CYFIP1: variants seen among roughly 807,000 people sequenced by gnomAD.
CYFIP1 encodes cytoplasmic FMR1 interacting protein 1.
In CYFIP1, 58 loss-of-function variants were observed where a neutral mutation model predicts 163.5. The observed-to-expected ratio is 0.35, with a 90% CI of 0.29 to 0.44. The LOEUF is 0.44. Among genes scored for constraint, CYFIP1 ranks in the 20% least tolerant of loss-of-function variants. The pLI, the probability that CYFIP1 is intolerant of heterozygous loss-of-function variation, is 1.00. For missense variants in CYFIP1, 1,338 were observed against 1,653.8 expected, an observed-to-expected ratio of 0.81 and a Z score of 3.31; for synonymous variants, 663 against 660.7, an observed-to-expected ratio of 1.00 and a Z score of -0.05.
intron 23 of CYFIP1, among the ~76,000 whole-genome samples, chr15:22,889,063 A>AAC: frequency 6.6e-6 from 1 of 152,202 alleles, no homozygotes; most frequent in East Asian, 1.9e-4. Flanking sequence ...CACAAAAAAA[A>AAC]CAAAAAACAA....
At chr15:22,947,339 C>T (rs980244868) in intron 1 of CYFIP1, 48 bp from the exon 2 acceptor site, 1 of 1,593,906 alleles carries the variant, frequency 6.3e-7, no homozygotes. Context: ...AAGGAGGGGA[C>T]ACCCAACAAG....
intron 16 of CYFIP1, among the ~76,000 whole-genome samples, chr15:22,916,182 A>G (rs1205385945): frequency 6.6e-6 from 1 of 152,164 alleles, no homozygotes; most frequent in African/African-American, 2.4e-5. Context: ...CTGTGTCTCA[A>G]CTCAGGCACC....
chr15:22,922,337 G>A (rs1271601917), intron 13 of CYFIP1, among the ~76,000 whole-genome samples: 1 of 152,180 alleles, frequency 6.6e-6, no homozygotes, highest in Non-Finnish European at 1.5e-5. Flanking sequence ...GGACCCCAAG[G>A]CTCTGGGGAG....
intron 1 of CYFIP1, among the ~76,000 whole-genome samples, chr15:22,959,194 T>G (rs972170920): frequency 1.6e-4 from 24 of 152,214 alleles, no homozygotes; most frequent in Non-Finnish European, 2.6e-4. Context: ...CCCACCTGTG[T>G]GCACCTGGGC....
intron 22 of CYFIP1, among the ~76,000 whole-genome samples, chr15:22,899,892 A>G (rs932684591): frequency 6.6e-6 from 1 of 152,150 alleles, no homozygotes; most frequent in Non-Finnish European, 1.5e-5. Flanking sequence ...TACTAAAAAT[A>G]CAAAAATTAG....
intron 1 of CYFIP1, among the ~76,000 whole-genome samples, chr15:22,973,498 A>G: frequency 6.6e-6 from 1 of 151,832 alleles, no homozygotes; most frequent in East Asian, 1.9e-4. Flanking sequence ...CTAACTGTAA[A>G]TGTGTATCCT....
chr15:22,906,718 T>C (rs898839926), intron 21 of CYFIP1, among the ~76,000 whole-genome samples: 4 of 151,134 alleles, frequency 2.6e-5, no homozygotes, highest in Non-Finnish European at 4.4e-5. Flanking sequence ...GCCCGCCTCG[T>C]CCTCCCAAAG....
rs1595469182 is a variant in CYFIP1, at chr15:22,868,576, A to G, written c.*1452T>C. The G allele has an allele frequency of 6.6e-6, 1 of 152,046 alleles. No homozygotes were observed. Among genetic ancestry groups the G allele is most frequent in the East Asian group, 1.9e-4 (1 of 5,182 alleles). The allele number at this position is 152,046 out of a possible 1,614,324, so 9.4% of individuals were successfully genotyped here. ...GGCCCCAGGGTTATTAATTCACATTACCAAAAGCATTTTTAGGGAACTTTT... is the reference window on the plus strand; with the variant it reads ...GGCCCCAGGGTTATTAATTCACATTGCCAAAAGCATTTTTAGGGAACTTTT... On this transcript the variant is annotated 3_prime_UTR_variant, in exon 31 of 31. Coordinates refer to ENST00000617928, the MANE Select transcript of CYFIP1 (RefSeq NM_014608.6).
intron 8 of CYFIP1, among the ~76,000 whole-genome samples, chr15:22,937,596 CTTT>C (rs919893437): frequency 7.0e-6 from 1 of 143,746 alleles, no homozygotes; most frequent in Non-Finnish European, 1.5e-5. Flanking sequence ...ACTAAAAATT[CTTT>C]TTTTGTTTTT....
At chr15:22,873,382 TG>T in intron 29 of CYFIP1, 108 bp downstream of exon 29, 1 of 899,656 alleles carries the variant, frequency 1.1e-6, no homozygotes, top group Non-Finnish European at 1.7e-6. Context: ...AGTGAGTTTC[TG>T]GTCCACTTCC....
At chr15:22,923,238 A>C (rs2061247214) in intron 13 of CYFIP1, among the ~76,000 whole-genome samples, 1 of 152,172 alleles carries the variant, frequency 6.6e-6, no homozygotes, top group African/African-American at 2.4e-5. Context: ...TGATATTTAG[A>C]ATGTATAAGG....
intron 22 of CYFIP1, among the ~76,000 whole-genome samples, chr15:22,893,862 G>C (rs150127794): frequency 6.6e-6 from 1 of 152,290 alleles, no homozygotes; most frequent in Non-Finnish European, 1.5e-5. Context: ...ACCTGCATCT[G>C]CGTGAGTCCA....
At chr15:22,903,673 G>A (rs1355977538) in intron 22 of CYFIP1, 33 bp downstream of exon 22, 10 of 1,610,848 alleles carry the variant, frequency 6.2e-6, no homozygotes, top group East Asian at 2.2e-5. Flanking sequence ...TGAGCGCCTC[G>A]CCTGTGGGCG....
intron 26 of CYFIP1, among the ~76,000 whole-genome samples, chr15:22,876,836 A>C (rs947363521): frequency 6.6e-6 from 1 of 151,652 alleles, no homozygotes; most frequent in Non-Finnish European, 1.5e-5. Flanking sequence ...CAGTCTAAAA[A>C]AAAAAAGAAA....
chr15:22,923,942 C>CAAAAAAAAAAA (rs916058496), intron 13 of CYFIP1, among the ~76,000 whole-genome samples: 15 of 61,798 alleles, frequency 2.4e-4, no homozygotes, highest in South Asian at 7.8e-4. Context: ...ACCTTGTCTC[C>CAAAAAAAAAAA]AAAAAAAAAA....
rs148341871 is a variant in CYFIP1, at chr15:22,918,792, T to C, written c.1426A>G (p.Ile476Val). The C allele has an allele frequency of 1.8e-4, 289 of 1,613,300 alleles. No individual in the cohort carries two copies. Among genetic ancestry groups the C allele is most frequent in the Middle Eastern group, 3.3e-4 (2 of 6,080 alleles). ...GRMESVFNHA[I>V]RHTVYAALQD... ...AGTGCGGCATAGACGGTGTGCCGGA[T>C]GGCGTGGTTGAACACGCTCTCCATC... The change falls in exon 14 of 31, where the codon ATC becomes GTC. Residue 476 changes from isoleucine (I) to valine (V), a missense_variant. Transcript: ENST00000617928.
intron 1 of CYFIP1, among the ~76,000 whole-genome samples, chr15:22,971,606 G>T (rs1051800170): frequency 7.9e-5 from 12 of 151,746 alleles, no homozygotes; most frequent in African/African-American, 2.9e-4. Flanking sequence ...AACACGGGAG[G>T]CAGAGGTTGC....
intron 23 of CYFIP1, among the ~76,000 whole-genome samples, chr15:22,885,575 A>C (rs4778295): frequency 0.69 from 105,393 of 151,978 alleles, 37,169 homozygotes; most frequent in Admixed American, 0.77. Context: ...TACTAAAAAT[A>C]CAAAAAAATT....
intron 1 of CYFIP1, among the ~76,000 whole-genome samples, chr15:22,961,128 T>C (rs1207033740): frequency 6.6e-6 from 1 of 151,870 alleles, no homozygotes; most frequent in Non-Finnish European, 1.5e-5. Flanking sequence ...TTCAAGTGAT[T>C]CTCCTGCCTC....
Sources: allele counts gnomAD v4.1 joint callset (sites outside exome capture counted in the v4.1 genomes callset), GRCh38; gene constraint gnomAD v4.1.1; transcripts MANE v1.5; gene names NCBI Gene and HGNC (gene_info 2026-07-23, HGNC 2026-07-21).